Variants in PRPSAP1 observed in about 807,000 individuals in gnomAD.
PRPSAP1 encodes the protein phosphoribosyl pyrophosphate synthetase associated protein 1.
A neutral mutation model predicts 39.4 loss-of-function variants in PRPSAP1; 31 were observed. The observed-to-expected ratio is 0.79, with a 90% confidence interval of 0.59 to 1.06. The LOEUF (loss-of-function observed/expected upper bound fraction) is 1.06. PRPSAP1 is among the 50% of genes least tolerant of loss of function. The probability of loss-of-function intolerance (pLI) is 0.00; values close to 1 mark genes in which losing one functional copy is unlikely to be tolerated. For missense variants in PRPSAP1, 430 were observed against 511.6 expected (o/e 0.84, Z 1.54); for synonymous variants, 212 against 192.6 (o/e 1.10, Z -0.83).
chr17:76,353,935 G>A, upstream of PRPSAP1: 2 of 1,320,680 alleles, frequency 1.5e-6, no homozygotes, highest in East Asian at 3.2e-5. Context: ...CGCCCCCTCC[G>A]GGCATCCGAA....
chr17:76,320,588 C>A (rs2071185816), intron 7 of PRPSAP1, among the ~76,000 whole-genome samples: 1 of 133,534 alleles, frequency 7.5e-6, no homozygotes, highest in South Asian at 2.5e-4. Context: ...CCACGTCCAG[C>A]TAATTTTTTT....
intron 4 of PRPSAP1, among the ~76,000 whole-genome samples, chr17:76,331,653 T>A (rs145011793): frequency 0.012 from 1,753 of 152,218 alleles, 35 homozygotes; most frequent in African/African-American, 0.039. Context: ...GGGAGATGGG[T>A]TCCTGGAACC....
chr17:76,328,374 C>T lies in PRPSAP1; in HGVS notation c.781+343G>A, dbSNP rs530777922. On this transcript the variant is annotated intron_variant, in intron 7 of 9. Coordinates refer to ENST00000446526, the MANE Select transcript of PRPSAP1 (RefSeq NM_002766.3). ...TGGGAGGCTGAGGCGAGCAGATCAC[C>T]AGGTCTGGAGCAGATCACGAGGTCT... is the stretch of plus-strand genomic sequence containing the variant. Among the ~76,000 whole-genome samples, 4 of 152,224 alleles carry T rather than the reference C, an allele frequency of 2.6e-5. No individual in the cohort carries two copies. In the East Asian group the frequency reaches 7.7e-4, roughly 29 times the overall value.
rs74735386 is a variant in PRPSAP1 at position 76,326,122 on chromosome 17, C to T, written c.781+2595G>A. 3.8e-3 allele frequency among the ~76,000 whole-genome samples: 580 copies of T among 151,970 alleles called. 8 individuals are homozygous for T. Among genetic ancestry groups the T allele is most frequent in the African/African-American group, 0.013 (531 of 41,402 alleles). ...TGCAATATTTAAGGTATTCCTGTGA[C>T]GACAATGAATTATAACCCACTGAAT... On this transcript the variant is annotated intron_variant, in intron 7 of 9. Coordinates refer to ENST00000446526, the MANE Select transcript of PRPSAP1 (RefSeq NM_002766.3).
At chr17:76,320,300 A>AGGG (rs1276016405) in intron 7 of PRPSAP1, among the ~76,000 whole-genome samples, 33,293 of 84,900 alleles carry the variant, frequency 0.39, 5,686 homozygotes, top group African/African-American at 0.57. Context: ...GAAAGAAAGA[A>AGGG]AAGAAAGGAA....
chr17:76,353,505 C>A (rs141639978), intron 1 of PRPSAP1, 29 bp downstream of exon 1: 76,489 of 1,474,754 alleles, frequency 0.052, 2,097 homozygotes, highest in African/African-American at 0.076. Context: ...GCCGCCGCCC[C>A]CGGCCCGGCC....
At chr17:76,330,140 G>A (rs1165194084) in intron 5 of PRPSAP1, 42 bp from the exon 6 acceptor site, 1 of 1,534,074 alleles carries the variant, frequency 6.5e-7, no homozygotes, top group Non-Finnish European at 9.0e-7. Flanking sequence ...AAAGTTATCA[G>A]AAAATAACAC....
intron 7 of PRPSAP1, among the ~76,000 whole-genome samples, chr17:76,323,341 C>CAA (rs897060063): frequency 3.0e-5 from 4 of 132,370 alleles, no homozygotes; most frequent in African/African-American, 5.8e-5. Flanking sequence ...GACTCTGTAT[C>CAA]AAAAAAAAAA....
At chr17:76,313,750 C>A in intron 8 of PRPSAP1, 71 bp downstream of exon 8, 1 of 1,504,798 alleles carries the variant, frequency 6.6e-7, no homozygotes, top group South Asian at 1.1e-5. Flanking sequence ...GAAATACAGT[C>A]CCAGAGTGGA....
chr17:76,345,622 A>T (rs1418083183), intron 2 of PRPSAP1: 1 of 156,608 alleles, frequency 6.4e-6, no homozygotes, highest in African/African-American at 2.4e-5. Flanking sequence ...AAAAAAAAAA[A>T]AAAAGCAGAA....
At chr17:76,345,609 GAAAAAAA>G (rs60667192) in intron 2 of PRPSAP1, among the ~76,000 whole-genome samples, 6 of 99,590 alleles carry the variant, frequency 6.0e-5, no homozygotes, top group African/African-American at 1.9e-4. Context: ...CTTGTCTGGA[GAAAAAAA>G]AAAAAAAAAA....
In PRPSAP1 at chr17:76,312,054, T is replaced by C. The variant is rs76768314; in HGVS notation, c.1000-354A>G. Among the ~76,000 whole-genome samples, 687 of 152,294 alleles carry C rather than the reference T, an allele frequency of 4.5e-3. 2 individuals are homozygous for C. The highest frequency in any genetic ancestry group is 0.015 in the African/African-American group (634 of 41,556). Reference sequence around the variant, plus strand: ...GTACCCAAGCAAACCGTTATGCAAATAGACATATACAGACCCTCAACATAA... The same window carrying C: ...GTACCCAAGCAAACCGTTATGCAAACAGACATATACAGACCCTCAACATAA... On this transcript the variant is annotated intron_variant, in intron 9 of 9. Transcript: ENST00000446526.
chr17:76,353,052 T>TCCCC (rs1252742725), intron 1 of PRPSAP1: 1 of 154,210 alleles, frequency 6.5e-6, no homozygotes, highest in Non-Finnish European at 1.4e-5. Flanking sequence ...GCACTGCCAG[T>TCCCC]CCCCACACCT....
At chr17:76,325,598 ATT>A (rs538337876) in intron 7 of PRPSAP1, among the ~76,000 whole-genome samples, 18 of 118,932 alleles carry the variant, frequency 1.5e-4, no homozygotes, top group African/African-American at 3.8e-4. Flanking sequence ...ATGACTGCTA[ATT>A]TTTTTTTTTT....
chr17:76,318,781 C>T (rs1216501855), intron 7 of PRPSAP1, among the ~76,000 whole-genome samples: 1 of 152,120 alleles, frequency 6.6e-6, no homozygotes, highest in Non-Finnish European at 1.5e-5. Flanking sequence ...CACTCTTTTC[C>T]TATGACACAC....
At chr17:76,341,284 T>C (rs1043517444) in intron 3 of PRPSAP1, among the ~76,000 whole-genome samples, 5 of 145,156 alleles carry the variant, frequency 3.4e-5, no homozygotes, top group African/African-American at 1.3e-4. Context: ...GTTGCCCAGG[T>C]TAGAGTAGAG....
intron 1 of PRPSAP1, among the ~76,000 whole-genome samples, chr17:76,351,582 G>C (rs2071573313): frequency 1.3e-5 from 2 of 151,818 alleles, no homozygotes; most frequent in South Asian, 4.2e-4. Flanking sequence ...AGCTACTTTC[G>C]AGGCTGAGGC....
intron 1 of PRPSAP1, among the ~76,000 whole-genome samples, chr17:76,352,644 CAAAA>C (rs55986677): frequency 2.3e-3 from 123 of 53,578 alleles, no homozygotes; most frequent in East Asian, 7.1e-3. Flanking sequence ...GACTCCGTCT[CAAAA>C]AAAAAAAAAA....
chr17:76,323,026 C>A (rs963530261), intron 7 of PRPSAP1, among the ~76,000 whole-genome samples: 1 of 151,554 alleles, frequency 6.6e-6, no homozygotes, highest in Non-Finnish European at 1.5e-5. Flanking sequence ...GACAGAGACC[C>A]CGCCTCTAAA....
Sources: allele counts gnomAD v4.1 joint callset (sites outside exome capture counted in the v4.1 genomes callset), GRCh38; gene constraint gnomAD v4.1.1; transcripts MANE v1.5; gene names NCBI Gene and HGNC (gene_info 2026-07-23, HGNC 2026-07-21).